The following CSMD1 variants were observed in gnomAD, a reference collection of about 807,000 sequenced individuals.
CSMD1 encodes CUB and sushi domain-containing protein 1.
In CSMD1, 213 loss-of-function variants were observed where a neutral mutation model predicts 417.5. The ratio of observed to expected loss-of-function variants is 0.51; its 90% confidence interval spans 0.46 to 0.57. CSMD1 has a LOEUF of 0.57. Ranked by LOEUF, CSMD1 falls within the 20% of genes least tolerant of loss-of-function variation. The pLI is 0.00. For missense variants in CSMD1, 6,923 were observed against 4,529.7 expected, an observed-to-expected ratio of 1.53 and a Z score of -15.17; for synonymous variants, 2,862 against 1,736.8, an observed-to-expected ratio of 1.65 and a Z score of -16.11.
chr8:4,872,920 T>C (rs530794906), intron 1 of CSMD1, among the ~76,000 whole-genome samples: 25 of 152,206 alleles, frequency 1.6e-4, no homozygotes, highest in East Asian at 7.7e-4. Context: ...TTTTGACATA[T>C]GTTTTATTTT....
intron 10 of CSMD1, among the ~76,000 whole-genome samples, chr8:3,544,204 T>C (rs1243521947): frequency 6.6e-6 from 1 of 152,060 alleles, no homozygotes; most frequent in East Asian, 1.9e-4. Flanking sequence ...AGGGAAGAGA[T>C]TGATAACGTT....
chr8:3,354,923 CTATAGA>C (rs1482177467), intron 21 of CSMD1, among the ~76,000 whole-genome samples: 2 of 150,580 alleles, frequency 1.3e-5, no homozygotes, highest in East Asian at 3.9e-4. Flanking sequence ...ATATGTCTAT[CTATAGA>C]TATAGATATA....
intron 10 of CSMD1, among the ~76,000 whole-genome samples, chr8:3,512,314 T>C (rs549520512): frequency 4.6e-5 from 7 of 152,332 alleles, no homozygotes; most frequent in Non-Finnish European, 8.8e-5. Flanking sequence ...TAGCAACTTA[T>C]TTGTTCTATA....
intron 3 of CSMD1, among the ~76,000 whole-genome samples, chr8:4,201,089 G>C (rs1799618445): frequency 6.6e-6 from 1 of 152,180 alleles, no homozygotes. Flanking sequence ...TTGGGCCAAT[G>C]TCTTACCTTT....
At chr8:3,736,106 T>C (rs1371162205) in intron 6 of CSMD1, among the ~76,000 whole-genome samples, 1 of 152,224 alleles carries the variant, frequency 6.6e-6, no homozygotes. Flanking sequence ...CACTGTTGTA[T>C]GCAGTTTACA....
In CSMD1 at chr8:4,529,897, A is replaced by T. The variant is rs895073700; in HGVS notation, c.302+107445T>A. ...TGTTTTTTTTTTTTAAATTTATTTA[A>T]TTTTTTTATTTTTATTTATTTTTGT... On this transcript the variant is annotated intron_variant, in intron 2 of 69. Transcript: ENST00000635120. 4.1e-5 allele frequency among the ~76,000 whole-genome samples: 6 copies of T among 147,456 alleles called. No individual in the cohort carries two copies. In the East Asian group the frequency reaches 1.0e-3, roughly 25 times the overall value.
intron 49 of CSMD1, among the ~76,000 whole-genome samples, chr8:3,077,614 A>G (rs1813778145): frequency 2.0e-5 from 3 of 152,204 alleles, no homozygotes; most frequent in Non-Finnish European, 4.4e-5. Context: ...TCTCTACCTT[A>G]AGAATTTTGG....
chr8:4,945,988 T>G (rs576709130), intron 1 of CSMD1, among the ~76,000 whole-genome samples: 1 of 152,244 alleles, frequency 6.6e-6, no homozygotes, highest in African/African-American at 2.4e-5. Context: ...GAAGACACGG[T>G]AGAGACCTGT....
At chr8:4,156,541 A>C (rs1412068676) in intron 3 of CSMD1, among the ~76,000 whole-genome samples, 1 of 152,052 alleles carries the variant, frequency 6.6e-6, no homozygotes, top group Admixed American at 6.5e-5. Flanking sequence ...TGACTTACTA[A>C]ATTCAAATTC....
At position 3,932,601 on chromosome 8, in the gene CSMD1, A is replaced by G. The variant is rs531822598; in HGVS notation, c.818+65302T>C. 1.6e-4 allele frequency among the ~76,000 whole-genome samples: 24 copies of G among 150,634 alleles called. 2 individuals carry two copies. The South Asian group carries it at 4.9e-3, about 31-fold the overall frequency. On this transcript the variant is annotated intron_variant, in intron 5 of 69. Coordinates refer to ENST00000635120, the MANE Select transcript of CSMD1 (RefSeq NM_033225.6). ...ACTGTGGCTAGTTAAAAATCCACAA[A>G]CAGTATCATATTTCACCAAACATTT...
At chr8:2,957,501 G>C (rs571864639) in intron 63 of CSMD1, among the ~76,000 whole-genome samples, 195 bp downstream of exon 63, 1 of 152,276 alleles carries the variant, frequency 6.6e-6, no homozygotes, top group African/African-American at 2.4e-5. Context: ...TGGGGCTTGA[G>C]AGCAGCCTTC....
At chr8:3,754,746 C>T (rs1259179342) in intron 5 of CSMD1, among the ~76,000 whole-genome samples, 3 of 152,186 alleles carry the variant, frequency 2.0e-5, no homozygotes, top group East Asian at 3.9e-4. Flanking sequence ...TGAGCCACGG[C>T]GCCCGGCCAC....
intron 2 of CSMD1, among the ~76,000 whole-genome samples, chr8:4,533,070 G>A (rs554626705): frequency 3.9e-5 from 6 of 152,282 alleles, no homozygotes; most frequent in South Asian, 2.1e-4. Context: ...TACTTTCTGC[G>A]TCAAAAGATT....
intron 3 of CSMD1, among the ~76,000 whole-genome samples, chr8:4,241,135 C>T (rs749929174): frequency 9.9e-5 from 15 of 152,158 alleles, no homozygotes; most frequent in Non-Finnish European, 1.6e-4. Context: ...CCTAGCTTCA[C>T]TGATGGCCCT....
At chr8:4,631,161 G>A (rs773110655) in intron 2 of CSMD1, among the ~76,000 whole-genome samples, 11 of 152,088 alleles carry the variant, frequency 7.2e-5, no homozygotes, top group Admixed American at 2.0e-4. Flanking sequence ...AGGAGTTCTA[G>A]ACCAGCCTGG....
intron 5 of CSMD1, among the ~76,000 whole-genome samples, chr8:3,852,187 A>C (rs1244829555): frequency 6.6e-6 from 1 of 152,154 alleles, no homozygotes; most frequent in Non-Finnish European, 1.5e-5. Context: ...AAGTACGGAG[A>C]GTATGTCCCT....
intron 12 of CSMD1, among the ~76,000 whole-genome samples, chr8:3,416,182 T>G (rs57666023): frequency 0.89 from 133,838 of 151,092 alleles, 59,492 homozygotes; most frequent in Middle Eastern, 0.95. Flanking sequence ...GCGCCTGTAA[T>G]TCCCAGCTAC....
At chr8:4,347,562 T>G (rs1800843293) in intron 3 of CSMD1, among the ~76,000 whole-genome samples, 1 of 152,148 alleles carries the variant, frequency 6.6e-6, no homozygotes, top group Non-Finnish European at 1.5e-5. Flanking sequence ...ACTTCCCTGT[T>G]GCCTATTATT....
At chr8:4,938,101 A>C (rs1381402133) in intron 1 of CSMD1, among the ~76,000 whole-genome samples, 1 of 152,154 alleles carries the variant, frequency 6.6e-6, no homozygotes, top group Non-Finnish European at 1.5e-5. Context: ...AGTAGCAACA[A>C]AGAATTTTAA....
Sources: allele counts gnomAD v4.1 joint callset (sites outside exome capture counted in the v4.1 genomes callset), GRCh38; gene constraint gnomAD v4.1.1; transcripts MANE v1.5; gene names NCBI Gene and HGNC (gene_info 2026-07-23, HGNC 2026-07-21).